Variants in FETUB observed in about 807,000 individuals in gnomAD.
FETUB encodes fetuin-B.
Under a neutral mutation model 30.9 loss-of-function variants are expected in FETUB, and 28 were observed. That is an observed-to-expected ratio of 0.90 (90% CI 0.67 to 1.24). The LOEUF (loss-of-function observed/expected upper bound fraction) is 1.24, where lower values mean the gene tolerates loss of function less well. Ranked by LOEUF, FETUB falls within the 50% of genes most tolerant of loss-of-function variation. FETUB has a pLI of 0.00. For missense variants in FETUB, 469 were observed against 455.3 expected (o/e 1.03, Z -0.27); for synonymous variants, 186 against 175.9 (o/e 1.06, Z -0.45).
chr3:186,641,839 C>G (rs1172164321), intron 2 of FETUB: 1 of 152,164 alleles, frequency 6.6e-6, no homozygotes, highest in African/African-American at 2.4e-5. Context: ...AATCATGTAG[C>G]CAATTGGTCA....
chr3:186,644,992 A>G, intron 4 of FETUB, 72 bp downstream of exon 4: 1 of 1,295,296 alleles, frequency 7.7e-7, no homozygotes, highest in South Asian at 1.5e-5. Flanking sequence ...CTAAGCTGGG[A>G]GGAAAATGTC....
chr3:186,637,745 C>T (rs535484842), upstream of FETUB, among the ~76,000 whole-genome samples: 1 of 152,384 alleles, frequency 6.6e-6, no homozygotes, highest in African/African-American at 2.4e-5. Context: ...GGTACAGTCA[C>T]AGCACTGACA....
upstream of FETUB, among the ~76,000 whole-genome samples, chr3:186,637,763 T>C (rs763271104): frequency 7.2e-5 from 11 of 152,256 alleles, no homozygotes; most frequent in Non-Finnish European, 1.5e-4. Flanking sequence ...ACAGCTGTCC[T>C]TGGACATTGT....
rs375275072 is a variant in FETUB, at chr3:186,651,214, T to C, written c.697-4T>C. On this transcript the variant is annotated splice_polypyrimidine_tract_variant and splice_region_variant and intron_variant, in intron 5 of 6. Coordinates refer to ENST00000265029, the MANE Select transcript of FETUB (RefSeq NM_014375.3). ...CTCACATGACATTGTATTTTCTCTT[T>C]TAGCCTGTTGGTCTTTGCAAAGGTT... 14 of 1,604,996 alleles carry C rather than the reference T, an allele frequency of 8.7e-6. No homozygotes were observed. The highest frequency in any genetic ancestry group is 1.3e-5 in the African/African-American group (1 of 74,770).
upstream of FETUB, chr3:186,640,320 C>A (rs1716926839): frequency 3.9e-5 from 27 of 687,902 alleles, no homozygotes; most frequent in South Asian, 4.6e-4. Context: ...TTAGGAAAAT[C>A]CAAGTTCAGA....
At chr3:186,640,237 T>C (rs1560018476), upstream of FETUB, 1 of 566,714 alleles carries the variant, frequency 1.8e-6, no homozygotes, top group Non-Finnish European at 3.2e-6. Context: ...TTCATTTGTA[T>C]GTACAGGTGG....
intron 1 of FETUB, 140 bp from the exon 2 acceptor site, chr3:186,640,890 C>T (rs1477325724): frequency 1.5e-6 from 1 of 674,732 alleles, no homozygotes; most frequent in Non-Finnish European, 2.6e-6. Context: ...TACTCTGACA[C>T]TTGTGTCAGA....
intron 5 of FETUB, among the ~76,000 whole-genome samples, chr3:186,649,402 A>C (rs1477421191): frequency 6.6e-6 from 1 of 152,128 alleles, no homozygotes; most frequent in Non-Finnish European, 1.5e-5. Context: ...ATAGCGGTGA[A>C]GTCTGGGCTT....
rs1351038341 is a variant in FETUB, at chr3:186,646,244, ACAGTGGGTGGT to A, written c.595-2_603del. The A allele has an allele frequency of 2.5e-6, 4 of 1,606,770 alleles. No homozygotes were observed. The Admixed American group carries it at 5.0e-5, about 20-fold the overall frequency. ...TTTATGTCTCAACTCTTGTCTCATA[ACAGTGGGTGGT>A]CGGCCCTTCTTACTTTGTGGAATAC... On this transcript the variant is annotated splice_acceptor_variant and splice_polypyrimidine_tract_variant and coding_sequence_variant and intron_variant, in exon 5 of 7. Coordinates refer to ENST00000265029, the MANE Select transcript of FETUB (RefSeq NM_014375.3). LOFTEE classifies it high-confidence loss of function.
intron 5 of FETUB, among the ~76,000 whole-genome samples, chr3:186,648,825 AT>A (rs1229518118): frequency 6.6e-6 from 1 of 152,142 alleles, no homozygotes; most frequent in African/African-American, 2.4e-5. Context: ...TAGAAAGACG[AT>A]TGATTTTTTA....
rs1355398117 is a variant in FETUB, at chr3:186,644,932, A to G, written c.594+12A>G. 1.2e-6 allele frequency: 2 copies of G among 1,605,516 alleles called. No individual in the cohort carries two copies. The highest frequency in any genetic ancestry group is 8.5e-7 in the Non-Finnish European group (1 of 1,175,902). On this transcript the variant is annotated intron_variant, in intron 4 of 6. Coordinates refer to ENST00000265029, the MANE Select transcript of FETUB (RefSeq NM_014375.3). Reference sequence around the variant, plus strand: ...GGGCTTCTAGCCAGGTAAGGCTAAAACTGCCCAAGCCAGTTACACAGTGTG... The same window carrying G: ...GGGCTTCTAGCCAGGTAAGGCTAAAGCTGCCCAAGCCAGTTACACAGTGTG...
intron 3 of FETUB, among the ~76,000 whole-genome samples, chr3:186,644,530 C>T (rs942500266): frequency 1.3e-5 from 2 of 152,132 alleles, no homozygotes; most frequent in African/African-American, 4.8e-5. Context: ...ACAAAATTCT[C>T]AGAGTAAATG....
At chr3:186,650,100 T>A (rs1359110739) in intron 5 of FETUB, among the ~76,000 whole-genome samples, 1 of 144,376 alleles carries the variant, frequency 6.9e-6, no homozygotes, top group Non-Finnish European at 1.5e-5. Context: ...TTTGCTATTA[T>A]GAATAGTGCT....
At chr3:186,640,765 C>T in intron 1 of FETUB, 80 bp downstream of exon 1, 2 of 1,177,204 alleles carry the variant, frequency 1.7e-6, no homozygotes, top group South Asian at 2.5e-5. Context: ...AACCCAGAGA[C>T]ACCCTGGCAG....
chr3:186,636,723 C>G (rs900284397), upstream of FETUB, among the ~76,000 whole-genome samples: 1 of 152,182 alleles, frequency 6.6e-6, no homozygotes, highest in Admixed American at 6.5e-5. Flanking sequence ...ATCCCAATGA[C>G]AGAGGAGACA....
In FETUB at chr3:186,644,795, T is replaced by G; in HGVS notation, c.469T>G (p.Ser157Ala). The part of the protein sequence containing the change: ...IYMTCPDCPS[S>A]IPTDSSNHQV... ...CATGACGTGCCCTGACTGCCCAAGCTCCATACCCACTGACTCTTCCAATCA... is the reference window on the plus strand; with the variant it reads ...CATGACGTGCCCTGACTGCCCAAGCGCCATACCCACTGACTCTTCCAATCA... The change falls in exon 4 of 7, where the codon TCC becomes GCC. Residue 157 changes from serine to alanine, a missense_variant. By Grantham distance (99) the Ser-to-Ala change is moderately conservative. Coordinates refer to ENST00000265029, the MANE Select transcript of FETUB (RefSeq NM_014375.3). 6.2e-7 allele frequency: 1 copy of G among 1,613,098 alleles called. No homozygotes were observed. Among genetic ancestry groups the G allele is most frequent in the East Asian group, 2.2e-5 (1 of 44,866 alleles).
At chr3:186,644,653 C>A in intron 3 of FETUB, 98 bp from the exon 4 acceptor site, 3 of 844,724 alleles carry the variant, frequency 3.6e-6, no homozygotes, top group Non-Finnish European at 5.5e-6. Context: ...GGGGTATATT[C>A]CAGAGGTAAC....
upstream of FETUB, among the ~76,000 whole-genome samples, chr3:186,638,787 T>C (rs1716850839): frequency 6.6e-6 from 1 of 152,214 alleles, no homozygotes; most frequent in Admixed American, 6.5e-5. Flanking sequence ...CCCCAGATCC[T>C]TCTCAACCTC....
chr3:186,637,709 C>T (rs73061447), upstream of FETUB, among the ~76,000 whole-genome samples: 6,042 of 152,314 alleles, frequency 0.04, 417 homozygotes, highest in African/African-American at 0.14. Context: ...GAATCTGCAC[C>T]GTGGGAGACA....
Sources: allele counts gnomAD v4.1 joint callset (sites outside exome capture counted in the v4.1 genomes callset), GRCh38; gene constraint gnomAD v4.1.1; transcripts MANE v1.5; gene names NCBI Gene and HGNC (gene_info 2026-07-23, HGNC 2026-07-21).